The following FMNL2 variants were observed in gnomAD, a reference collection of about 807,000 sequenced individuals.
The protein encoded by FMNL2 is formin like 2, also known as formin-like protein 2.
Under a neutral mutation model 130.2 loss-of-function variants are expected in FMNL2, and 51 were observed. That is an observed-to-expected ratio of 0.39 (90% confidence interval 0.31 to 0.49). The LOEUF (loss-of-function observed/expected upper bound fraction) is 0.49. Ranked by LOEUF, FMNL2 falls within the 20% of genes least tolerant of loss-of-function variation. The pLI is 0.85. For missense variants in FMNL2, 977 were observed against 1,316.2 expected, an observed-to-expected ratio of 0.74 and a Z score of 3.99; for synonymous variants, 465 against 467.1, an observed-to-expected ratio of 1.00 and a Z score of 0.06.
intron 1 of FMNL2, among the ~76,000 whole-genome samples, chr2:152,427,636 A>G (rs547899377): frequency 8.5e-5 from 13 of 152,262 alleles, no homozygotes; most frequent in Middle Eastern, 3.4e-3. Flanking sequence ...CTTAAAAATG[A>G]GACTAAAACT....
Position 152,514,688 on chromosome 2 carries a change from T to A in FMNL2, c.118-7255T>A, listed in dbSNP as rs115808930. ...TTATAAATTGGGCACAGTGAGAAAT[T>A]AGCAATAAGTAATCATAAAATAGAA... On this transcript the variant is annotated intron_variant, in intron 1 of 25. Transcript: ENST00000288670. Among the ~76,000 whole-genome samples, 730 of 152,252 alleles carry A rather than the reference T, an allele frequency of 4.8e-3. 1 individual carries two copies. The highest frequency in any genetic ancestry group is 0.017 in the African/African-American group (689 of 41,542).
At chr2:152,427,864 C>T (rs1687276843) in intron 1 of FMNL2, among the ~76,000 whole-genome samples, 1 of 152,148 alleles carries the variant, frequency 6.6e-6, no homozygotes, top group Non-Finnish European at 1.5e-5. Context: ...AATGACTCCC[C>T]CTGGGTTTGT....
intron 25 of FMNL2, among the ~76,000 whole-genome samples, chr2:152,646,652 C>T (rs1683599763): frequency 2.6e-5 from 4 of 152,080 alleles, no homozygotes. Context: ...GCATTTTCAA[C>T]TTGTTGAGTA....
intron 1 of FMNL2, among the ~76,000 whole-genome samples, chr2:152,519,374 G>A (rs979934738): frequency 1.3e-5 from 2 of 152,166 alleles, no homozygotes; most frequent in Non-Finnish European, 2.9e-5. Context: ...CAGGGGCAGT[G>A]CTCCATAAAC....
rs185783542 is a variant in FMNL2, at chr2:152,567,739, G to C, written c.596+6704G>C. Among the ~76,000 whole-genome samples the C allele has an allele frequency of 2.5e-4, 38 of 152,336 alleles. 2 individuals carry two copies. The East Asian group carries it at 7.3e-3, about 29-fold the overall frequency. On this transcript the variant is annotated intron_variant, in intron 6 of 25. Transcript: ENST00000288670. ...AAATTCTGTAACATACCTCATTGGT[G>C]TTGCATTTCAGTGGGTTGAACCCTT...
chr2:152,346,496 A>C (rs1049334856), intron 1 of FMNL2, among the ~76,000 whole-genome samples: 16 of 151,944 alleles, frequency 1.1e-4, no homozygotes, highest in Non-Finnish European at 1.5e-5. Flanking sequence ...TTAAAAAAAG[A>C]AACCACACAC....
chr2:152,516,127 A>G (rs1396100798), intron 1 of FMNL2, among the ~76,000 whole-genome samples: 1 of 152,138 alleles, frequency 6.6e-6, no homozygotes, highest in Non-Finnish European at 1.5e-5. Flanking sequence ...TGTAGCGACA[A>G]GTAATGGCTC....
intron 9 of FMNL2, among the ~76,000 whole-genome samples, chr2:152,593,896 TGTGTGTGAGAGAGAGA>T (rs1179332917): frequency 6.4e-4 from 67 of 103,876 alleles, no homozygotes; most frequent in African/African-American, 2.3e-3. Flanking sequence ...TGTGTGTGTG[TGTGTGTGAGAGAGAGA>T]GAGAGAGAGA....
chr2:152,495,763 G>C (rs1187452816), intron 1 of FMNL2, among the ~76,000 whole-genome samples: 1 of 151,492 alleles, frequency 6.6e-6, no homozygotes, highest in Non-Finnish European at 1.5e-5. Flanking sequence ...CTGCCTCCAG[G>C]AAGCATATAC....
At chr2:152,415,451 T>C (rs768370524) in intron 1 of FMNL2, among the ~76,000 whole-genome samples, 1 of 152,250 alleles carries the variant, frequency 6.6e-6, no homozygotes, top group African/African-American at 2.4e-5. Context: ...GGTGATCTAT[T>C]GTTTCCTAAA....
intron 1 of FMNL2, among the ~76,000 whole-genome samples, chr2:152,497,635 G>A (rs946850680): frequency 6.6e-6 from 1 of 152,098 alleles, no homozygotes; most frequent in Non-Finnish European, 1.5e-5. Context: ...ACACACATCA[G>A]CAGATGCATA....
At position 152,449,609 on chromosome 2, in the gene FMNL2, T is replaced by A. The variant is rs371784914; in HGVS notation, c.118-72334T>A. Among the ~76,000 whole-genome samples, 7 of 152,184 alleles carry A rather than the reference T, an allele frequency of 4.6e-5. No individual in the cohort carries two copies. The East Asian group carries it at 1.3e-3, about 29-fold the overall frequency. On this transcript the variant is annotated intron_variant, in intron 1 of 25. Transcript: ENST00000288670. Reference sequence around the variant, plus strand: ...AAACCTTCCCTTTAGGTCCGTATCATTTGAGAGGAAACTTGGGGTTGAATA... The same window carrying A: ...AAACCTTCCCTTTAGGTCCGTATCAATTGAGAGGAAACTTGGGGTTGAATA...
Position 152,636,330 on chromosome 2 carries a change from G to A in FMNL2, c.2681-97G>A. On this transcript the variant is annotated intron_variant, in intron 21 of 25. Coordinates refer to ENST00000288670, the MANE Select transcript of FMNL2 (RefSeq NM_052905.4). The stretch of plus-strand genomic sequence containing the variant: ...AGCTAGGTTTAGGGCCCTTGAGTAA[G>A]CCTAAGAATCTCCTGAGAACTTGGC... The A allele has an allele frequency of 7.5e-6, 10 of 1,337,934 alleles. No homozygotes were observed. The South Asian group carries it at 1.4e-4, about 19-fold the overall frequency. 82.9% of individuals were successfully genotyped at this position (1,337,934 alleles called of 1,614,324 possible). A position where few individuals can be genotyped will look rare whatever the true frequency, so the allele number is the denominator to read the frequency against.
intron 3 of FMNL2, among the ~76,000 whole-genome samples, chr2:152,545,105 C>T (rs1694546086): frequency 6.6e-6 from 1 of 152,146 alleles, no homozygotes; most frequent in African/African-American, 2.4e-5. Context: ...GGTGGATTAA[C>T]CACCCCTGCT....
intron 4 of FMNL2, among the ~76,000 whole-genome samples, chr2:152,554,641 C>T (rs574293216): frequency 9.2e-5 from 14 of 152,130 alleles, no homozygotes; most frequent in Non-Finnish European, 1.5e-4. Flanking sequence ...GTCAAACTGA[C>T]GGTGGTGAAT....
At chr2:152,589,589 C>T (rs1014864875) in intron 9 of FMNL2, among the ~76,000 whole-genome samples, 2 of 152,096 alleles carry the variant, frequency 1.3e-5, no homozygotes, top group Non-Finnish European at 2.9e-5. Flanking sequence ...ATTTCTTTGA[C>T]GTTTTGATAT....
At chr2:152,582,016 G>A (rs1054471791) in intron 9 of FMNL2, among the ~76,000 whole-genome samples, 2 of 152,120 alleles carry the variant, frequency 1.3e-5, no homozygotes, top group African/African-American at 4.8e-5. Context: ...GGCTATACCA[G>A]CTACATGCAT....
At position 152,625,573 on chromosome 2, in the gene FMNL2, C is replaced by T. The variant is rs749415711; in HGVS notation, c.1962+11C>T. The T allele has an allele frequency of 7.5e-6, 12 of 1,599,854 alleles. No individual in the cohort carries two copies. The East Asian group carries it at 2.7e-4, about 36-fold the overall frequency. On this transcript the variant is annotated intron_variant, in intron 16 of 25. Coordinates refer to ENST00000288670, the MANE Select transcript of FMNL2 (RefSeq NM_052905.4). ...GAGCGAATTCTGGAGGTATTTTTCT[C>T]ATTGGTTAGAAACTAGAGGTGCACT... is the stretch of plus-strand genomic sequence containing the variant.
intron 1 of FMNL2, chr2:152,390,339 C>A: frequency 8.6e-7 from 1 of 1,164,914 alleles, no homozygotes; most frequent in Non-Finnish European, 1.3e-6. Flanking sequence ...GAGCTCGTGG[C>A]TCATTGAGGA....
Sources: gnomAD v4.1 joint callset for allele counts (sites outside exome capture counted in the v4.1 genomes callset) on GRCh38, gnomAD v4.1.1 for gene constraint, MANE v1.5 for transcripts, NCBI Gene and HGNC (gene_info 2026-07-23, HGNC 2026-07-21) for gene names.